Variants in CSMD1 observed in about 807,000 individuals in gnomAD.
CSMD1 encodes the protein CUB and sushi domain-containing protein 1.
In CSMD1, 213 loss-of-function variants were observed where a neutral mutation model predicts 417.5. The observed-to-expected ratio is 0.51, with a 90% confidence interval of 0.46 to 0.57. The LOEUF (loss-of-function observed/expected upper bound fraction) is 0.57, where lower values mean the gene tolerates loss of function less well. CSMD1 is among the 20% of genes least tolerant of loss of function. The probability of loss-of-function intolerance (pLI) is 0.00; values close to 1 mark genes in which losing one functional copy is unlikely to be tolerated. For missense variants in CSMD1, 6,923 were observed against 4,529.7 expected (o/e 1.53, Z -15.17); for synonymous variants, 2,862 against 1,736.8 (o/e 1.65, Z -16.11).
intron 5 of CSMD1, among the ~76,000 whole-genome samples, chr8:3,821,102 G>C (rs1279059816): frequency 2.6e-5 from 4 of 151,898 alleles, no homozygotes; most frequent in East Asian, 1.9e-4. Context: ...ATTTTTAGTA[G>C]AAATGGAGTT....
chr8:3,320,270 G>C (rs1481085925), intron 23 of CSMD1, among the ~76,000 whole-genome samples: 2 of 152,154 alleles, frequency 1.3e-5, no homozygotes, highest in Admixed American at 1.3e-4. Context: ...GGAGACAACT[G>C]AGTTCTTCCC....
rs139098387 is a variant in CSMD1, at chr8:4,142,241, T to A, written c.416-110142A>T. On this transcript the variant is annotated intron_variant, in intron 3 of 69. Transcript: ENST00000635120. ...AGCCAAATTATAGTGATACTTAATT[T>A]ACTAATACAACAGGGTTTTCCTTCT... 3.2e-3 allele frequency among the ~76,000 whole-genome samples: 491 copies of A among 151,306 alleles called. 44 individuals carry two copies. Among genetic ancestry groups the A allele is most frequent in the African/African-American group, 0.011 (459 of 40,612 alleles).
intron 2 of CSMD1, among the ~76,000 whole-genome samples, chr8:4,601,624 G>C (rs1026104777): frequency 1.4e-4 from 21 of 152,228 alleles, no homozygotes; most frequent in African/African-American, 5.1e-4. Context: ...AACATTTACA[G>C]ATTACAAAGT....
rs146714437 is a variant in CSMD1, at chr8:3,776,284, C to A, written c.819-22242G>T. Among the ~76,000 whole-genome samples the A allele has an allele frequency of 8.6e-3, 1,312 of 152,260 alleles. 16 individuals carry two copies. Among genetic ancestry groups the A allele is most frequent in the South Asian group, 0.023 (112 of 4,818 alleles). ...TCCCTGCTCCATTCTATTCTCAGAA[C>A]ACTGTCCAGAGGGGTCACATACAAC... is the stretch of plus-strand genomic sequence containing the variant. On this transcript the variant is annotated intron_variant, in intron 5 of 69. Coordinates refer to ENST00000635120, the MANE Select transcript of CSMD1 (RefSeq NM_033225.6).
At chr8:3,349,365 G>C (rs566020898) in intron 21 of CSMD1, among the ~76,000 whole-genome samples, 17 of 152,230 alleles carry the variant, frequency 1.1e-4, no homozygotes, top group Admixed American at 9.8e-4. Context: ...GCAGGAAGTT[G>C]CTAGAGATCC....
chr8:4,676,620 C>T (rs567179795), intron 1 of CSMD1, among the ~76,000 whole-genome samples: 7 of 152,244 alleles, frequency 4.6e-5, no homozygotes, highest in South Asian at 4.2e-4. Flanking sequence ...ATTCTCCTTT[C>T]GCACCTGCAG....
intron 2 of CSMD1, among the ~76,000 whole-genome samples, chr8:4,510,462 G>A (rs541885252): frequency 8.6e-5 from 12 of 139,304 alleles, no homozygotes; most frequent in African/African-American, 3.3e-4. Flanking sequence ...ATTAACTAAG[G>A]GACAAGGGAA....
chr8:4,955,404 C>T (rs759393520), intron 1 of CSMD1, among the ~76,000 whole-genome samples: 1 of 151,598 alleles, frequency 6.6e-6, no homozygotes, highest in Non-Finnish European at 1.5e-5. Flanking sequence ...ATTATTGATG[C>T]CTACTGTGTC....
Position 3,302,766 on chromosome 8 carries a change from C to A in CSMD1, c.3950+4929G>T, listed in dbSNP as rs539399938. The stretch of plus-strand genomic sequence containing the variant: ...AGGAACTGAAGAGCTCAGAATTTGT[C>A]CTTCATGCACTTTCTCACAGTTTAT... On this transcript the variant is annotated intron_variant, in intron 25 of 69. Transcript: ENST00000635120. 8.5e-5 allele frequency among the ~76,000 whole-genome samples: 13 copies of A among 152,272 alleles called. No individual in the cohort carries two copies. The East Asian group carries it at 9.7e-4, about 11-fold the overall frequency.
chr8:4,324,563 A>C (rs17413763), intron 3 of CSMD1, among the ~76,000 whole-genome samples: 3 of 152,008 alleles, frequency 2.0e-5, no homozygotes, highest in Non-Finnish European at 4.4e-5. Flanking sequence ...GCCAGGGAAT[A>C]ATTTCAAAGG....
At chr8:3,926,318 A>C (rs1278036532) in intron 5 of CSMD1, among the ~76,000 whole-genome samples, 1 of 152,126 alleles carries the variant, frequency 6.6e-6, no homozygotes, top group Non-Finnish European at 1.5e-5. Context: ...ATAACTTTTC[A>C]ATCTATTACA....
intron 3 of CSMD1, among the ~76,000 whole-genome samples, chr8:4,224,453 C>G (rs530705202): frequency 6.6e-6 from 1 of 151,844 alleles, no homozygotes; most frequent in African/African-American, 2.4e-5. Flanking sequence ...TCTCAGAGGC[C>G]AGGTTGGGGA....
intron 42 of CSMD1, among the ~76,000 whole-genome samples, chr8:3,115,605 T>C (rs1249952222): frequency 1.3e-5 from 2 of 152,238 alleles, no homozygotes; most frequent in South Asian, 2.1e-4. Flanking sequence ...TTCAGAGACA[T>C]ATTCTTTCAT....
intron 7 of CSMD1, among the ~76,000 whole-genome samples, chr8:3,680,801 C>G (rs1052642178): frequency 2.0e-5 from 3 of 152,140 alleles, no homozygotes; most frequent in African/African-American, 7.2e-5. Flanking sequence ...AAAATACTGG[C>G]AAACCGAACT....
chr8:4,109,391 C>A (rs1184549238), intron 3 of CSMD1, among the ~76,000 whole-genome samples: 2 of 152,024 alleles, frequency 1.3e-5, no homozygotes, highest in Non-Finnish European at 2.9e-5. Flanking sequence ...ATATAGTGAC[C>A]TAGCAAAAAT....
At chr8:4,708,734 AT>A (rs1190561014) in intron 1 of CSMD1, among the ~76,000 whole-genome samples, 1 of 152,046 alleles carries the variant, frequency 6.6e-6, no homozygotes, top group Non-Finnish European at 1.5e-5. Context: ...CCCCCTAAAG[AT>A]TCATATATAA....
At chr8:3,637,482 T>C (rs914388053) in intron 7 of CSMD1, among the ~76,000 whole-genome samples, 6 of 152,202 alleles carry the variant, frequency 3.9e-5, no homozygotes, top group African/African-American at 9.6e-5. Context: ...AGCTTCAGAA[T>C]TGTTCTTCTT....
rs752412543 is a variant in CSMD1 at position 3,187,942 on chromosome 8, C to T, written c.5547G>A (p.Thr1849=). ...GIQIQVISFA[T]EQNWDSLEIH... ...TCTCAAGGGAGTCCCAGTTCTGCTC[C>T]GTGGCAAAACTGATCACTTGGATCT... Residue 1849 remains threonine, a synonymous_variant, in exon 36 of 70, where the codon ACG becomes ACA. Transcript: ENST00000635120. 6 of 1,612,546 alleles carry T rather than the reference C, an allele frequency of 3.7e-6. No homozygotes were observed. In the East Asian group the frequency reaches 6.7e-5, roughly 18 times the overall value.
At chr8:3,162,397 C>A in intron 37 of CSMD1, 120 bp from the exon 38 acceptor site, 1 of 671,882 alleles carries the variant, frequency 1.5e-6, no homozygotes, top group Non-Finnish European at 2.6e-6. Context: ...GACTTCAACT[C>A]TTTCTCTTGT....
Sources: gnomAD v4.1 joint callset for allele counts (sites outside exome capture counted in the v4.1 genomes callset) on GRCh38, gnomAD v4.1.1 for gene constraint, MANE v1.5 for transcripts, NCBI Gene and HGNC (gene_info 2026-07-23, HGNC 2026-07-21) for gene names.